The following PRKD1 variants were observed in gnomAD, a reference collection of about 807,000 sequenced individuals.
PRKD1 encodes serine/threonine-protein kinase D1.
Under a neutral mutation model 95.9 loss-of-function variants are expected in PRKD1, and 63 were observed. The ratio of observed to expected loss-of-function variants is 0.66; its 90% CI spans 0.54 to 0.81. The LOEUF (loss-of-function observed/expected upper bound fraction) is 0.81. Ranked by LOEUF, PRKD1 falls within the 30% of genes least tolerant of loss-of-function variation. The pLI is 0.00. For missense variants in PRKD1, 1,048 were observed against 1,165.3 expected, an observed-to-expected ratio of 0.90 and a Z score of 1.47; for synonymous variants, 425 against 423.1, an observed-to-expected ratio of 1.00 and a Z score of -0.05.
chr14:29,777,995 C>G (rs953549700), intron 1 of PRKD1, among the ~76,000 whole-genome samples: 1 of 152,142 alleles, frequency 6.6e-6, no homozygotes, highest in African/African-American at 2.4e-5. Context: ...GAAACTCATT[C>G]AAAACCACTC....
Position 29,693,109 on chromosome 14 carries a change from G to T in PRKD1, c.404-26901C>A, listed in dbSNP as rs186186744. 1.8e-4 allele frequency among the ~76,000 whole-genome samples: 27 copies of T among 152,184 alleles called. No homozygotes were observed. The East Asian group carries it at 5.2e-3, about 29-fold the overall frequency. ...ATGAGAAACATCTATTATTTACTTA[G>T]AAACAACTTCTGCAAAGTATTTGAA... On this transcript the variant is annotated intron_variant, in intron 2 of 17. Coordinates refer to ENST00000331968, the MANE Select transcript of PRKD1 (RefSeq NM_002742.3).
chr14:29,897,127 A>AT (rs1894161678), intron 1 of PRKD1, among the ~76,000 whole-genome samples: 1 of 152,022 alleles, frequency 6.6e-6, no homozygotes, highest in South Asian at 2.1e-4. Context: ...TAATTGACTC[A>AT]TTTTATAAGT....
At chr14:29,601,111 T>C (rs1461990336) in intron 13 of PRKD1, among the ~76,000 whole-genome samples, 1 of 152,088 alleles carries the variant, frequency 6.6e-6, no homozygotes, top group Non-Finnish European at 1.5e-5. Flanking sequence ...TAAAATGAAA[T>C]TTAAAACCTC....
At chr14:29,608,388 T>C (rs936748201) in intron 13 of PRKD1, among the ~76,000 whole-genome samples, 1 of 152,158 alleles carries the variant, frequency 6.6e-6, no homozygotes, top group African/African-American at 2.4e-5. Context: ...ATTACCATTA[T>C]AGTTCATTAA....
At chr14:29,866,555 A>C (rs1029186949) in intron 1 of PRKD1, among the ~76,000 whole-genome samples, 5 of 152,334 alleles carry the variant, frequency 3.3e-5, no homozygotes, top group African/African-American at 1.2e-4. Flanking sequence ...AAAGAATAAA[A>C]TACAGTGAAA....
intron 1 of PRKD1, among the ~76,000 whole-genome samples, chr14:29,757,835 G>A (rs1463829638): frequency 1.3e-5 from 2 of 151,968 alleles, no homozygotes; most frequent in African/African-American, 4.8e-5. Flanking sequence ...CCTTGCCAAA[G>A]TCAGAGCCAG....
intron 1 of PRKD1, among the ~76,000 whole-genome samples, chr14:29,750,641 C>CACTCACTCAG (rs1343356525): frequency 6.6e-6 from 1 of 151,978 alleles, no homozygotes; most frequent in Non-Finnish European, 1.5e-5. Flanking sequence ...CACACACTCA[C>CACTCACTCAG]ACTCACTCAG....
chr14:29,878,938 A>G (rs1237766572), intron 1 of PRKD1, among the ~76,000 whole-genome samples: 1 of 152,224 alleles, frequency 6.6e-6, no homozygotes, highest in Non-Finnish European at 1.5e-5. Flanking sequence ...AAATTTTAAT[A>G]AAATACATGA....
intron 2 of PRKD1, among the ~76,000 whole-genome samples, chr14:29,670,968 T>A (rs531028124): frequency 7.2e-5 from 11 of 152,216 alleles, no homozygotes; most frequent in Non-Finnish European, 1.2e-4. Flanking sequence ...ATGAAGGGAA[T>A]CTCCATTTTT....
intron 1 of PRKD1, among the ~76,000 whole-genome samples, chr14:29,909,712 G>A (rs926557031): frequency 9.9e-5 from 15 of 152,182 alleles, no homozygotes; most frequent in Admixed American, 3.3e-4. Flanking sequence ...TCTGTGTCTA[G>A]CTCAAGGTTT....
chr14:29,777,557 A>G (rs1371127564), intron 1 of PRKD1, among the ~76,000 whole-genome samples: 1 of 152,228 alleles, frequency 6.6e-6, no homozygotes, highest in Non-Finnish European at 1.5e-5. Flanking sequence ...AGGTCATTAC[A>G]TAATGGTAAA....
chr14:29,864,646 T>C (rs960955459), intron 1 of PRKD1, among the ~76,000 whole-genome samples: 2 of 151,938 alleles, frequency 1.3e-5, no homozygotes, highest in African/African-American at 4.8e-5. Context: ...AGAATGTGAG[T>C]ATGAGTGAGA....
chr14:29,635,598 G>A (rs567645723), intron 7 of PRKD1, among the ~76,000 whole-genome samples: 1 of 152,244 alleles, frequency 6.6e-6, no homozygotes, highest in South Asian at 2.1e-4. Context: ...ATAAATCAGA[G>A]ACTAGGAAAC....
intron 1 of PRKD1, among the ~76,000 whole-genome samples, chr14:29,876,788 GA>G (rs1009857220): frequency 2.6e-5 from 4 of 151,678 alleles, no homozygotes; most frequent in African/African-American, 9.7e-5. Context: ...TTTCTCCATA[GA>G]AAATACACAA....
chr14:29,709,141 T>A (rs530947026), intron 2 of PRKD1, among the ~76,000 whole-genome samples: 2 of 152,172 alleles, frequency 1.3e-5, no homozygotes, highest in African/African-American at 4.8e-5. Flanking sequence ...AGTTATGGAA[T>A]AAAGTTGTCC....
intron 1 of PRKD1, among the ~76,000 whole-genome samples, chr14:29,876,877 C>G (rs1182283790): frequency 6.6e-6 from 1 of 152,148 alleles, no homozygotes; most frequent in African/African-American, 2.4e-5. Context: ...GAGAGTCGAG[C>G]ATGGTGGCTC....
At chr14:29,666,922 C>T (rs918018818) in intron 2 of PRKD1, among the ~76,000 whole-genome samples, 1 of 152,154 alleles carries the variant, frequency 6.6e-6, no homozygotes, top group Non-Finnish European at 1.5e-5. Flanking sequence ...CTTACTGTTG[C>T]TTATTCTGTA....
chr14:29,853,963 C>T (rs1458821652), intron 1 of PRKD1, among the ~76,000 whole-genome samples: 1 of 152,196 alleles, frequency 6.6e-6, no homozygotes, highest in African/African-American at 2.4e-5. Flanking sequence ...TGTGATACCT[C>T]CCCAGCCATG....
At chr14:29,887,077 T>C (rs1445698847) in intron 1 of PRKD1, among the ~76,000 whole-genome samples, 1 of 152,200 alleles carries the variant, frequency 6.6e-6, no homozygotes, top group Non-Finnish European at 1.5e-5. Flanking sequence ...ACCAAAAGTA[T>C]AATGCAAAAT....
Sources: gnomAD v4.1 joint callset for allele counts (sites outside exome capture counted in the v4.1 genomes callset) on GRCh38, gnomAD v4.1.1 for gene constraint, MANE v1.5 for transcripts, NCBI Gene and HGNC (gene_info 2026-07-23, HGNC 2026-07-21) for gene names.